GRIP1: variants seen among roughly 807,000 people sequenced by gnomAD.
GRIP1 encodes glutamate receptor interacting protein 1.
In GRIP1, 45 loss-of-function variants were observed where a neutral mutation model predicts 129.9. That is an observed-to-expected ratio of 0.35 (90% CI 0.27 to 0.44). The LOEUF is 0.44. Among genes scored for constraint, GRIP1 ranks in the 20% least tolerant of loss-of-function variants. The pLI is 1.00. For synonymous variants in GRIP1, 530 were observed against 520.8 expected (o/e 1.02, Z -0.24); for missense variants, 1,196 against 1,396.8 (o/e 0.86, Z 2.29).
chr12:66,685,018 C>G (rs999013556), intron 1 of GRIP1, among the ~76,000 whole-genome samples: 2 of 152,168 alleles, frequency 1.3e-5, no homozygotes, highest in Non-Finnish European at 2.9e-5. Flanking sequence ...CATGAGCTCA[C>G]TACATCATCA....
intron 2 of GRIP1, among the ~76,000 whole-genome samples, chr12:66,584,251 A>G (rs1386157300): frequency 1.1e-3 from 159 of 139,788 alleles, no homozygotes; most frequent in Non-Finnish European, 2.2e-3. Flanking sequence ...CACTCTGGGG[A>G]CTGTTGTGGG....
intron 1 of GRIP1, among the ~76,000 whole-genome samples, chr12:66,601,387 A>G (rs1251823189): frequency 6.6e-6 from 1 of 152,110 alleles, no homozygotes; most frequent in Non-Finnish European, 1.5e-5. Flanking sequence ...AAATCCTCCA[A>G]CGTTTGCTTG....
At chr12:66,970,156 A>G (rs1820771287) in intron 1 of GRIP1, among the ~76,000 whole-genome samples, 1 of 152,108 alleles carries the variant, frequency 6.6e-6, no homozygotes, top group African/African-American at 2.4e-5. Flanking sequence ...ATCACAGCTT[A>G]CTGCAGTCTT....
chr12:66,676,408 G>T (rs2034333869), intron 1 of GRIP1, among the ~76,000 whole-genome samples: 1 of 152,074 alleles, frequency 6.6e-6, no homozygotes, highest in Admixed American at 6.6e-5. Flanking sequence ...AAATAGCAAG[G>T]TAGTTTTGGA....
At chr12:66,947,926 T>C (rs1224970895) in intron 1 of GRIP1, among the ~76,000 whole-genome samples, 1 of 152,212 alleles carries the variant, frequency 6.6e-6, no homozygotes, top group African/African-American at 2.4e-5. Context: ...TCCTGCACTA[T>C]CTTTTTCCTG....
intron 7 of GRIP1, among the ~76,000 whole-genome samples, chr12:66,486,985 T>C (rs902804980): frequency 6.6e-6 from 1 of 151,960 alleles, no homozygotes; most frequent in Non-Finnish European, 1.5e-5. Context: ...GAAACAGGGT[T>C]TTACCATGTT....
At chr12:66,665,562 G>A (rs2033749921) in intron 1 of GRIP1, among the ~76,000 whole-genome samples, 1 of 152,126 alleles carries the variant, frequency 6.6e-6, no homozygotes, top group Non-Finnish European at 1.5e-5. Flanking sequence ...CATTTTTCCT[G>A]CTTAGCTTCT....
chr12:66,914,307 G>T (rs1442967948), intron 1 of GRIP1, among the ~76,000 whole-genome samples: 1 of 151,952 alleles, frequency 6.6e-6, no homozygotes, highest in African/African-American at 2.4e-5. Flanking sequence ...TAACAATATA[G>T]GTAAAGTTTA....
intron 15 of GRIP1, among the ~76,000 whole-genome samples, chr12:66,415,524 G>C (rs1050309503): frequency 1.1e-4 from 17 of 152,074 alleles, no homozygotes; most frequent in African/African-American, 3.9e-4. Flanking sequence ...ATTCCTCAAA[G>C]ATATAGAAGC....
intron 1 of GRIP1, among the ~76,000 whole-genome samples, chr12:66,943,644 A>T (rs914702643): frequency 1.3e-5 from 2 of 152,244 alleles, no homozygotes; most frequent in African/African-American, 4.8e-5. Context: ...ACATTTACAG[A>T]TCATTCTGCT....
chr12:66,523,435 C>T (rs1269546704), intron 5 of GRIP1, among the ~76,000 whole-genome samples: 1 of 149,580 alleles, frequency 6.7e-6, no homozygotes, highest in African/African-American at 2.5e-5. Flanking sequence ...AACTAAGCTT[C>T]ATAAGTGAAG....
At chr12:66,962,291 T>C (rs1211228091) in intron 1 of GRIP1, among the ~76,000 whole-genome samples, 1 of 152,122 alleles carries the variant, frequency 6.6e-6, no homozygotes, top group Admixed American at 6.6e-5. Flanking sequence ...TAATATATTA[T>C]CGTAAACAAT....
intron 16 of GRIP1, among the ~76,000 whole-genome samples, chr12:66,401,020 A>T (rs1565701518): frequency 6.6e-6 from 1 of 152,336 alleles, no homozygotes; most frequent in East Asian, 1.9e-4. Flanking sequence ...TTGGACCCAC[A>T]CAAGAACCAC....
rs1195699261 is a variant in GRIP1 at position 66,410,664 on chromosome 12, AACAAACAG to A, written c.1839-4244_1839-4237del. 1.3e-3 allele frequency among the ~76,000 whole-genome samples: 148 copies of A among 117,410 alleles called. 1 individual carries two copies. The South Asian group carries it at 0.026, about 20-fold the overall frequency. The allele number at this position is 117,410 out of a possible 152,430, so 77.0% of individuals were successfully genotyped here. A position where few individuals can be genotyped will look rare whatever the true frequency, so the allele number is the denominator to read the frequency against. On this transcript the variant is annotated intron_variant, in intron 15 of 24. Coordinates refer to ENST00000359742, the MANE Select transcript of GRIP1 (RefSeq NM_001366722.1). Reference sequence around the variant, plus strand: ...CTCAAAACAAACAAACAAACAAACAAACAAACAGACAAACAATGAAGCACACCTACAAG... The same window carrying A: ...CTCAAAACAAACAAACAAACAAACAAACAAACAATGAAGCACACCTACAAG...
At chr12:66,828,105 C>T (rs2039450986) in intron 1 of GRIP1, among the ~76,000 whole-genome samples, 1 of 152,210 alleles carries the variant, frequency 6.6e-6, no homozygotes, top group African/African-American at 2.4e-5. Flanking sequence ...CCCAAGATGA[C>T]ATAAATTACC....
At chr12:66,831,207 T>C (rs1441958463) in intron 1 of GRIP1, among the ~76,000 whole-genome samples, 1 of 152,118 alleles carries the variant, frequency 6.6e-6, no homozygotes, top group Non-Finnish European at 1.5e-5. Flanking sequence ...CTGAATTTCA[T>C]TGCCACCAGC....
chr12:66,937,400 C>G (rs1452618685), intron 1 of GRIP1, among the ~76,000 whole-genome samples: 1 of 152,218 alleles, frequency 6.6e-6, no homozygotes, highest in African/African-American at 2.4e-5. Context: ...TGTGTGTCCA[C>G]TGCTTTATCC....
chr12:66,657,210 C>A (rs1026315928), intron 1 of GRIP1, among the ~76,000 whole-genome samples: 2 of 152,146 alleles, frequency 1.3e-5, no homozygotes, highest in South Asian at 2.1e-4. Context: ...ATCAAGGATA[C>A]TCATCAGCAA....
At chr12:66,877,243 A>AAAGAAGTCATGCTTT (rs1270126415) in intron 1 of GRIP1, among the ~76,000 whole-genome samples, 3 of 152,106 alleles carry the variant, frequency 2.0e-5, no homozygotes, top group African/African-American at 7.2e-5. Flanking sequence ...TAGGTCTTCC[A>AAAGAAGTCATGCTTT]AAGAAGTCAT....
Sources: gnomAD v4.1 joint callset for allele counts (sites outside exome capture counted in the v4.1 genomes callset) on GRCh38, gnomAD v4.1.1 for gene constraint, MANE v1.5 for transcripts, NCBI Gene and HGNC (gene_info 2026-07-23, HGNC 2026-07-21) for gene names.